Variants in SAMD9L observed in about 807,000 individuals in gnomAD.
SAMD9L encodes sterile alpha motif domain-containing protein 9-like.
In SAMD9L, 68 loss-of-function variants were observed where a neutral mutation model predicts 90.7. That is an observed-to-expected ratio of 0.75 (90% confidence interval 0.62 to 0.92). The LOEUF is 0.92. SAMD9L is among the 40% of genes least tolerant of loss of function. The probability of loss-of-function intolerance (pLI) is 0.00; values close to 1 mark genes in which losing one functional copy is unlikely to be tolerated. For synonymous variants in SAMD9L, 640 were observed against 630.1 expected, an observed-to-expected ratio of 1.02 and a Z score of -0.23; for missense variants, 1,604 against 1,824.3, an observed-to-expected ratio of 0.88 and a Z score of 2.20.
At chr7:93,138,608 G>T (rs1792553564) in intron 4 of SAMD9L, among the ~76,000 whole-genome samples, 1 of 152,194 alleles carries the variant, frequency 6.6e-6, no homozygotes. Context: ...GAGGGAGAAA[G>T]CCTGGGGGAC....
chr7:93,130,405 T>C lies in SAMD9L; in HGVS notation c.*812A>G, dbSNP rs1006003498. On this transcript the variant is annotated 3_prime_UTR_variant, in exon 5 of 5. Coordinates refer to ENST00000318238, the MANE Select transcript of SAMD9L (RefSeq NM_152703.5). ...GGCAATCTCAACAGAGAGAACAGCATGTATATAGCACAGGTTGAGAAGTAA... is the reference window on the plus strand; with the variant it reads ...GGCAATCTCAACAGAGAGAACAGCACGTATATAGCACAGGTTGAGAAGTAA... The C allele has an allele frequency of 6.6e-6, 1 of 152,078 alleles. No individual in the cohort carries two copies. 9.4% of individuals were successfully genotyped at this position (152,078 alleles called of 1,614,324 possible). A position where few individuals can be genotyped will look rare whatever the true frequency, so the allele number is the denominator to read the frequency against.
At chr7:93,139,899 CT>C (rs1264913135) in intron 4 of SAMD9L, among the ~76,000 whole-genome samples, 1 of 152,206 alleles carries the variant, frequency 6.6e-6, no homozygotes, top group African/African-American at 2.4e-5. Context: ...TACTGTCTCA[CT>C]TTTCCTCACT....
intron 4 of SAMD9L, among the ~76,000 whole-genome samples, chr7:93,137,923 A>T (rs1001828193): frequency 3.3e-5 from 5 of 152,014 alleles, no homozygotes; most frequent in African/African-American, 1.2e-4. Flanking sequence ...CACAGAGGAA[A>T]CTTGCACTAC....
intron 4 of SAMD9L, among the ~76,000 whole-genome samples, chr7:93,144,220 A>G (rs971911110): frequency 6.6e-6 from 1 of 152,156 alleles, no homozygotes; most frequent in African/African-American, 2.4e-5. Context: ...CCTTAACTCT[A>G]TTCTGTTCTG....
rs201381649 is a variant in SAMD9L at position 93,132,747 on chromosome 7, A to G, written c.3225T>C (p.Ser1075=). 1.4e-5 allele frequency: 23 copies of G among 1,613,760 alleles called. No homozygotes were observed. The highest frequency in any genetic ancestry group is 5.0e-5 in the Admixed American group (3 of 59,952). ...TGAATGCATTTTGTGGGAATCGTCT[A>G]CTTCCTGCACTCAAGACCTTTTCAA... The part of the protein sequence containing the change: ...KDIEKVLSAG[S]RRFPQNAFIC... The change falls in exon 5 of 5, where the codon AGT becomes AGC. Residue 1075 remains serine, a synonymous_variant. Coordinates refer to ENST00000318238, the MANE Select transcript of SAMD9L (RefSeq NM_152703.5).
At chr7:93,137,381 C>T (rs1270564402) in intron 4 of SAMD9L, among the ~76,000 whole-genome samples, 1 of 151,976 alleles carries the variant, frequency 6.6e-6, no homozygotes, top group Non-Finnish European at 1.5e-5. Context: ...GTGAACTGTG[C>T]ATATAAGGGA....
Position 93,135,034 on chromosome 7 carries a change from T to G in SAMD9L, c.938A>C (p.His313Pro), listed in dbSNP as rs771142937. The change falls in exon 5 of 5, where the codon CAC (histidine) becomes CCC (proline). Residue 313 changes from histidine to proline, a missense_variant. Coordinates refer to ENST00000318238, the MANE Select transcript of SAMD9L (RefSeq NM_152703.5). ...FVIEVDTIPK[H>P]SICNDKYFYI... ...GAAATACTTATCATTACATATAGAG[T>G]GTTTTGGAATAGTATCAACTTCAAT... 4 of 1,611,938 alleles carry G rather than the reference T, an allele frequency of 2.5e-6. No homozygotes were observed. In the South Asian group the frequency reaches 4.4e-5, roughly 18 times the overall value.
At position 93,135,538 on chromosome 7, in the gene SAMD9L, A is replaced by G. The variant is rs1259760790; in HGVS notation, c.434T>C (p.Val145Ala). 4 of 1,613,870 alleles carry G rather than the reference A, an allele frequency of 2.5e-6. No individual in the cohort carries two copies. The highest frequency in any genetic ancestry group is 1.3e-5 in the African/African-American group (1 of 74,948). Residue 145 changes from valine to alanine, a missense_variant, in exon 5 of 5, where the codon GTA (valine) becomes GCA (alanine). By Grantham distance (64) the Val-to-Ala change is moderately conservative (BLOSUM62 0). Coordinates refer to ENST00000318238, the MANE Select transcript of SAMD9L (RefSeq NM_152703.5). ...CTTTTTCTTGTGTTTAGCATTTGCT[A>G]CTTCATCTAACACATTTTCTTTCAT... ...ILMKENVLDE[V>A]ANAKHKKKGK...
rs987107272 is a variant in SAMD9L at position 93,132,092 on chromosome 7, T to A, written c.3880A>T (p.Lys1294Ter). The change falls in exon 5 of 5, where the codon AAG (lysine) becomes TAG (stop). Residue 1294 changes from lysine (K) to a stop codon, truncating the protein, a stop_gained. Transcript: ENST00000318238. LOFTEE classifies it high-confidence loss of function. ...TTCCTGAAACAACGACTGACTTTCT[T>A]GCTTAACATGATTTCTGCAATTTCT... ...QKEIAEIMLS[K>*]KVSRCFRKYT... 6.8e-6 allele frequency: 11 copies of A among 1,613,642 alleles called. No individual in the cohort carries two copies. Among genetic ancestry groups the A allele is most frequent in the Non-Finnish European group, 6.8e-6 (8 of 1,179,880 alleles).
At chr7:93,143,452 C>T (rs1792772527) in intron 4 of SAMD9L, among the ~76,000 whole-genome samples, 1 of 152,182 alleles carries the variant, frequency 6.6e-6, no homozygotes, top group Admixed American at 6.5e-5. Context: ...TTTTATTCTC[C>T]TAAATGATCA....
chr7:93,133,271 T>C lies in SAMD9L; in HGVS notation c.2701A>G (p.Ile901Val), dbSNP rs759591223. Residue 901 changes from isoleucine to valine, a missense_variant, in exon 5 of 5, where the codon ATA becomes GTA. Physicochemically the swap from Ile to Val is conservative, Grantham distance 29. This residue lies in a region of SAMD9L where 606 missense variants were observed against 717.6 expected (regional missense o/e 0.84). Coordinates refer to ENST00000318238, the MANE Select transcript of SAMD9L (RefSeq NM_152703.5). Reference protein sequence around the residue: ...IMKSNFDETYIENVVRNILKG... With the variant: ...IMKSNFDETYVENVVRNILKG... ...AGGATATTCCTGACTACATTTTCTA[T>C]ATATGTTTCATCAAAATTGCTTTTC... 6.2e-6 allele frequency: 10 copies of C among 1,612,766 alleles called. No individual in the cohort carries two copies. Among genetic ancestry groups the C allele is most frequent in the South Asian group, 1.1e-5 (1 of 90,986 alleles).
chr7:93,147,281 T>C (rs1468411893), intron 1 of SAMD9L, 135 bp from the exon 2 acceptor site: 2 of 152,240 alleles, frequency 1.3e-5, no homozygotes, highest in African/African-American at 4.8e-5. Context: ...AATTTTGTGA[T>C]TGCCTTGACT....
chr7:93,141,729 T>A (rs1584295604), intron 4 of SAMD9L, among the ~76,000 whole-genome samples: 1 of 152,218 alleles, frequency 6.6e-6, no homozygotes, highest in East Asian at 1.9e-4. Context: ...CTGGTCTCTT[T>A]GACTCTGGCT....
At position 93,131,384 on chromosome 7, in the gene SAMD9L, C is replaced by T. The variant is rs755832893; in HGVS notation, c.4588G>A (p.Glu1530Lys). The T allele has an allele frequency of 1.9e-6, 3 of 1,613,704 alleles. No homozygotes were observed. The Admixed American group carries it at 5.0e-5, about 27-fold the overall frequency. ...DLLRRLTGQA[E>K]GKLISVEYGT... ...TATTCTACAGAGATTAGCTTGCCTT[C>T]AGCCTGACCAGTTAGACGACGCAGG... The change falls in exon 5 of 5, where the codon GAA (glutamate) becomes AAA (lysine). Residue 1530 changes from glutamate to lysine, a missense_variant. Physicochemically the swap from Glu to Lys is moderately conservative, Grantham distance 56 (BLOSUM62 1). Coordinates refer to ENST00000318238, the MANE Select transcript of SAMD9L (RefSeq NM_152703.5).
intron 4 of SAMD9L, among the ~76,000 whole-genome samples, chr7:93,142,766 C>A (rs770682331): frequency 6.6e-6 from 1 of 152,260 alleles, no homozygotes; most frequent in Non-Finnish European, 1.5e-5. Flanking sequence ...AGGCAACAAA[C>A]CCTCCTCTGG....
In SAMD9L at chr7:93,133,664, TG is replaced by T. The variant is rs2116489033; in HGVS notation, c.2307del (p.Asn769LysfsTer13). 2 of 1,613,640 alleles carry T rather than the reference TG, an allele frequency of 1.2e-6. No individual in the cohort carries two copies. Among genetic ancestry groups the T allele is most frequent in the Non-Finnish European group, 1.7e-6 (2 of 1,179,840 alleles). ...GCAATTTCTGCAAAATCAGTTGTCT[TG>T]TTTTTTAACACAGCACATCTGAAGT... ...KKNFRCAVLK[N>X]KTTDFAEIAE... On this transcript the variant is annotated frameshift_variant, in exon 5 of 5. Transcript: ENST00000318238. LOFTEE classifies it high-confidence loss of function.
rs766540085 is a variant in SAMD9L at position 93,132,164 on chromosome 7, A to T, written c.3808T>A (p.Phe1270Ile). 3 of 1,613,268 alleles carry T rather than the reference A, an allele frequency of 1.9e-6. No homozygotes were observed. The highest frequency in any genetic ancestry group is 2.2e-5 in the East Asian group (1 of 44,858). ...LQSDLKRCFDFFIDYMVLLKM... is the reference protein window; with the variant it reads ...LQSDLKRCFDIFIDYMVLLKM... ...AGAAGAACCATATAATCAATAAAAA[A>T]GTCAAAGCACCTTTTCAGATCTGAT... Residue 1270 changes from phenylalanine to isoleucine, a missense_variant, in exon 5 of 5, where the codon TTT becomes ATT. Physicochemically the swap from Phe to Ile is conservative, Grantham distance 21. Transcript: ENST00000318238.
At chr7:93,144,260 A>G (rs1792805054) in intron 4 of SAMD9L, among the ~76,000 whole-genome samples, 2 of 152,148 alleles carry the variant, frequency 1.3e-5, no homozygotes, top group Admixed American at 6.5e-5. Flanking sequence ...AGTTCTCTTT[A>G]TTTGTACACT....
At chr7:93,140,214 CCACACTGACTGGAGCA>C (rs1792632061) in intron 4 of SAMD9L, among the ~76,000 whole-genome samples, 1 of 146,492 alleles carries the variant, frequency 6.8e-6, no homozygotes, top group African/African-American at 2.7e-5. Context: ...CAATGGGCCT[CCACACTGACTGGAGCA>C]TGCTGAACAA....
Sources: gnomAD v4.1 joint callset for allele counts (sites outside exome capture counted in the v4.1 genomes callset) on GRCh38, gnomAD v4.1.1 for gene constraint, gnomAD v4.1.1 regional missense constraint, MANE v1.5 for transcripts, NCBI Gene and HGNC (gene_info 2026-07-23, HGNC 2026-07-21) for gene names.